STXBP6: variants seen among roughly 807,000 people sequenced by gnomAD.
STXBP6 encodes the protein syntaxin binding protein 6.
A neutral mutation model predicts 26.9 loss-of-function variants in STXBP6; 21 were observed. The ratio of observed to expected loss-of-function variants is 0.78; its 90% CI spans 0.55 to 1.12. STXBP6 has a LOEUF of 1.12. Ranked by LOEUF, STXBP6 falls within the 50% of genes most tolerant of loss-of-function variation. The pLI is 0.00. For synonymous variants in STXBP6, 97 were observed against 92.6 expected, an observed-to-expected ratio of 1.05 and a Z score of -0.27; for missense variants, 232 against 257.9, an observed-to-expected ratio of 0.90 and a Z score of 0.69.
chr14:24,816,423 G>A (rs941464990), intron 5 of STXBP6: 3 of 152,054 alleles, frequency 2.0e-5, no homozygotes, highest in African/African-American at 7.2e-5. Flanking sequence ...CAATCTGCTT[G>A]TTAGGAATAC....
intron 2 of STXBP6, among the ~76,000 whole-genome samples, chr14:24,949,051 GGAAA>G (rs1566502141): frequency 6.6e-6 from 1 of 152,044 alleles, no homozygotes; most frequent in African/African-American, 2.4e-5. Context: ...GGAAAGATAA[GGAAA>G]GAACTAAAAG....
At chr14:24,971,708 C>G (rs1232720663) in intron 2 of STXBP6, among the ~76,000 whole-genome samples, 3 of 152,188 alleles carry the variant, frequency 2.0e-5, no homozygotes, top group Admixed American at 1.3e-4. Context: ...ACCAGTGAAG[C>G]CCTACTTTTC....
At chr14:24,851,568 T>G (rs953669594) in intron 4 of STXBP6, among the ~76,000 whole-genome samples, 8 of 152,262 alleles carry the variant, frequency 5.3e-5, no homozygotes, top group African/African-American at 1.9e-4. Flanking sequence ...GTCCCTCCTG[T>G]GGAGTCTAAT....
At chr14:24,951,541 T>C (rs1281954594) in intron 2 of STXBP6, among the ~76,000 whole-genome samples, 1 of 152,240 alleles carries the variant, frequency 6.6e-6, no homozygotes, top group Non-Finnish European at 1.5e-5. Context: ...TGTCTGTTCA[T>C]GTCCTTTGCC....
At chr14:24,892,652 T>C (rs1457247896) in intron 2 of STXBP6, among the ~76,000 whole-genome samples, 1 of 152,184 alleles carries the variant, frequency 6.6e-6, no homozygotes, top group African/African-American at 2.4e-5. Context: ...AGAGCAGGTT[T>C]CTGAACTCTG....
At chr14:25,019,572 C>A (rs1291758054) in intron 1 of STXBP6, among the ~76,000 whole-genome samples, 1 of 152,184 alleles carries the variant, frequency 6.6e-6, no homozygotes, top group Admixed American at 6.5e-5. Context: ...AGCAAAACTG[C>A]TGTAAGCTAT....
chr14:24,878,920 G>T, intron 2 of STXBP6: 1 of 308,920 alleles, frequency 3.2e-6, no homozygotes, highest in Non-Finnish European at 6.7e-6. Context: ...TACTATAAAA[G>T]AACACTGTAC....
chr14:24,893,784 T>A (rs2070876540), intron 2 of STXBP6, among the ~76,000 whole-genome samples: 1 of 152,170 alleles, frequency 6.6e-6, no homozygotes, highest in African/African-American at 2.4e-5. Flanking sequence ...AAAACAGACT[T>A]CCTTAGTAAC....
intron 1 of STXBP6, among the ~76,000 whole-genome samples, chr14:25,034,951 G>C (rs2075524703): frequency 6.6e-6 from 1 of 152,092 alleles, no homozygotes; most frequent in South Asian, 2.1e-4. Context: ...AGGAGTTTGA[G>C]ACTTGCCTGG....
At chr14:24,812,863 AC>A in intron 5 of STXBP6, 131 bp from the exon 6 acceptor site, 1 of 825,274 alleles carries the variant, frequency 1.2e-6, no homozygotes, top group Middle Eastern at 2.5e-4. Flanking sequence ...GTGGCAGATC[AC>A]CGTTACTAAT....
intron 1 of STXBP6, among the ~76,000 whole-genome samples, chr14:24,996,319 T>G (rs928823264): frequency 6.6e-6 from 1 of 152,122 alleles, no homozygotes; most frequent in African/African-American, 2.4e-5. Context: ...GGCTCAAGGT[T>G]TTAGTCCTTA....
chr14:24,915,949 CAGAT>C (rs1356301315), intron 2 of STXBP6, among the ~76,000 whole-genome samples: 16 of 152,108 alleles, frequency 1.1e-4, no homozygotes, highest in African/African-American at 3.6e-4. Context: ...GTTCAACAGA[CAGAT>C]AGATGCCTAT....
At chr14:24,874,475 A>G (rs1476819415) in intron 2 of STXBP6, among the ~76,000 whole-genome samples, 1 of 152,116 alleles carries the variant, frequency 6.6e-6, no homozygotes, top group East Asian at 1.9e-4. Flanking sequence ...TATAGGGTCC[A>G]TCCCACCCAT....
intron 1 of STXBP6, among the ~76,000 whole-genome samples, chr14:25,045,631 T>G (rs545979542): frequency 1.3e-5 from 2 of 150,194 alleles, no homozygotes; most frequent in Non-Finnish European, 3.0e-5. Flanking sequence ...GAGATGGAGA[T>G]TCACTCTTGT....
chr14:25,002,975 C>T (rs1423225274), intron 1 of STXBP6, among the ~76,000 whole-genome samples: 1 of 152,118 alleles, frequency 6.6e-6, no homozygotes, highest in Non-Finnish European at 1.5e-5. Flanking sequence ...GATCCACCCG[C>T]CTCGGCCTCT....
At position 25,049,075 on chromosome 14, in the gene STXBP6, A is replaced by C. The variant is rs1260327413; in HGVS notation, c.-33+803T>G. The C allele has an allele frequency of 1.1e-6, 1 of 873,260 alleles. No homozygotes were observed. Among genetic ancestry groups the C allele is most frequent in the African/African-American group, 1.8e-5 (1 of 55,058 alleles). The allele number at this position is 873,260 out of a possible 1,614,324, so 54.1% of individuals were successfully genotyped here. Reference sequence around the variant, plus strand: ...AGATACACCCCGGGGACTTTCTCCTAAAGAACAAGATGTCTTTCCAAATTC... The same window carrying C: ...AGATACACCCCGGGGACTTTCTCCTCAAGAACAAGATGTCTTTCCAAATTC... On this transcript the variant is annotated intron_variant, in intron 1 of 5. Transcript: ENST00000323944. The surrounding 1 kb of genome is among the most constrained non-coding windows in gnomAD (Gnocchi z 5.6).
intron 1 of STXBP6, among the ~76,000 whole-genome samples, chr14:25,005,279 C>A (rs2074863083): frequency 6.6e-6 from 1 of 152,124 alleles, no homozygotes; most frequent in African/African-American, 2.4e-5. Flanking sequence ...CTCAAGTATG[C>A]TAACAACAGT....
intron 1 of STXBP6, among the ~76,000 whole-genome samples, chr14:25,029,024 T>C (rs2075401515): frequency 6.6e-6 from 1 of 152,170 alleles, no homozygotes; most frequent in Non-Finnish European, 1.5e-5. Context: ...TTCTTATGGA[T>C]GAGCAGAGAA....
chr14:24,815,764 T>C (rs2067956253), intron 5 of STXBP6: 1 of 152,134 alleles, frequency 6.6e-6, no homozygotes, highest in Admixed American at 6.5e-5. Flanking sequence ...GCTGCAACAT[T>C]GTGCTTTTTG....
Sources: gnomAD v4.1 joint callset for allele counts (sites outside exome capture counted in the v4.1 genomes callset) on GRCh38, gnomAD v4.1.1 for gene constraint, Gnocchi (gnomAD v3.1) non-coding constraint, MANE v1.5 for transcripts, NCBI Gene and HGNC (gene_info 2026-07-23, HGNC 2026-07-21) for gene names.